CTR9: variants seen among roughly 807,000 people sequenced by gnomAD.
CTR9 encodes CTR9 component of Paf1/RNA polymerase II complex.
Under a neutral mutation model 152.1 loss-of-function variants are expected in CTR9, and 41 were observed. The observed-to-expected ratio is 0.27, with a 90% confidence interval of 0.21 to 0.35. The LOEUF (loss-of-function observed/expected upper bound fraction) is 0.35, where lower values mean the gene tolerates loss of function less well. Ranked by LOEUF, CTR9 falls within the 10% of genes least tolerant of loss-of-function variation. The pLI is 1.00. For synonymous variants in CTR9, 476 were observed against 496.2 expected (o/e 0.96, Z 0.54); for missense variants, 917 against 1,424.4 (o/e 0.64, Z 5.73).
In CTR9 at chr11:10,779,329, A is replaced by G; in HGVS notation, c.*224A>G. 2.1e-6 allele frequency: 1 copy of G among 485,216 alleles called. No homozygotes were observed. Among genetic ancestry groups the G allele is most frequent in the Non-Finnish European group, 3.6e-6 (1 of 274,698 alleles). The allele number at this position is 485,216 out of a possible 1,614,324, so 30.1% of individuals were successfully genotyped here. ...AGACTATTCTTTGTGGTACAATTCC[A>G]CCTATCATATGTGAAAACTGCAGTA... On this transcript the variant is annotated 3_prime_UTR_variant, in exon 25 of 25. Transcript: ENST00000361367.
At chr11:10,776,692 G>C (rs1183492181) in intron 24 of CTR9, among the ~76,000 whole-genome samples, 1 of 152,152 alleles carries the variant, frequency 6.6e-6, no homozygotes. Context: ...CATGTTGTAG[G>C]CTGGGCGCAG....
chr11:10,761,738 A>G (rs1039689630), intron 6 of CTR9, among the ~76,000 whole-genome samples: 39 of 152,310 alleles, frequency 2.6e-4, no homozygotes, highest in Non-Finnish European at 3.8e-4. Flanking sequence ...TAAAAAGGGG[A>G]AAAAAGTGAC....
chr11:10,758,711 C>T (rs1862926347), intron 5 of CTR9, among the ~76,000 whole-genome samples: 1 of 152,060 alleles, frequency 6.6e-6, no homozygotes, highest in Non-Finnish European at 1.5e-5. Flanking sequence ...GCAATTTCTG[C>T]CTTTTTTTTT....
At chr11:10,773,757 T>A (rs1022578802) in intron 21 of CTR9, among the ~76,000 whole-genome samples, 1 of 151,940 alleles carries the variant, frequency 6.6e-6, no homozygotes, top group Non-Finnish European at 1.5e-5. Context: ...TAGTGATGCA[T>A]GCCTGTAGTC....
chr11:10,753,081 C>T (rs774986922), intron 2 of CTR9, among the ~76,000 whole-genome samples: 9 of 152,154 alleles, frequency 5.9e-5, no homozygotes, highest in Admixed American at 5.2e-4. Context: ...TGAAAAGAAG[C>T]GAAGTGCTTC....
At position 10,767,712 on chromosome 11, in the gene CTR9, G is replaced by T; in HGVS notation, c.1687-94G>T. The T allele has an allele frequency of 1.8e-6, 2 of 1,084,626 alleles. No individual in the cohort carries two copies. Among genetic ancestry groups the T allele is most frequent in the African/African-American group, 1.6e-5 (1 of 63,244 alleles). 67.2% of individuals were successfully genotyped at this position (1,084,626 alleles called of 1,614,324 possible). ...GAAAACCACTGTTGTAATATAGTTTGTAAACCTCTTCAGTAATCAGCTATT... is the reference window on the plus strand; with the variant it reads ...GAAAACCACTGTTGTAATATAGTTTTTAAACCTCTTCAGTAATCAGCTATT... On this transcript the variant is annotated intron_variant, in intron 13 of 24. Coordinates refer to ENST00000361367, the MANE Select transcript of CTR9 (RefSeq NM_014633.5). The surrounding 1 kb of genome is among the most constrained non-coding windows in gnomAD (Gnocchi z 4.0).
rs530015738 is a variant in CTR9 at position 10,764,132 on chromosome 11, A to G, written c.1215A>G (p.Thr405=). ...DIAKGHLKKV[T]EQYPDDVEAW... ...CCCAGGGCCATTTGAAGAAGGTCAC[A>G]GAACAGTATCCCGATGATGTTGAAG... The change falls in exon 10 of 25, where the codon ACA becomes ACG. Residue 405 remains threonine, a synonymous_variant. Transcript: ENST00000361367. 5 of 1,614,212 alleles carry G rather than the reference A, an allele frequency of 3.1e-6. No individual in the cohort carries two copies. The highest frequency in any genetic ancestry group is 3.3e-5 in the Admixed American group (2 of 60,034).
chr11:10,769,080 G>T (rs569029337), intron 16 of CTR9, among the ~76,000 whole-genome samples: 26 of 152,188 alleles, frequency 1.7e-4, no homozygotes, highest in East Asian at 1.5e-3. Context: ...AATTAGCTGG[G>T]CATGGTAGCA....
intron 1 of CTR9, among the ~76,000 whole-genome samples, chr11:10,752,097 T>G (rs1452218676): frequency 1.3e-5 from 2 of 152,172 alleles, no homozygotes; most frequent in Non-Finnish European, 2.9e-5. Context: ...TTATTTTTAT[T>G]TTTTTTGTTT....
Position 10,763,873 on chromosome 11 carries a change from T to C in CTR9, c.1188T>C (p.Ile396=), listed in dbSNP as rs1863016272. 1.3e-6 allele frequency: 2 copies of C among 1,599,042 alleles called. No homozygotes were observed. The highest frequency in any genetic ancestry group is 4.5e-5 in the East Asian group (2 of 44,792). The change falls in exon 9 of 25, where the codon ATT becomes ATC. Residue 396 remains isoleucine, a synonymous_variant. Transcript: ENST00000361367. The stretch of plus-strand genomic sequence containing the variant: ...CAGAAGATCAAGAAAAACGAGATAT[T>C]GCCAAGGTACATCTTTTTTTTAAAG... ...AASEDQEKRD[I]AKGHLKKVTE...
chr11:10,773,959 A>G (rs1209746363), intron 21 of CTR9, 53 bp from the exon 22 acceptor site: 1 of 1,337,414 alleles, frequency 7.5e-7, no homozygotes, highest in Admixed American at 2.0e-5. Context: ...TAGCATTCTA[A>G]CCACATTCCA....
At chr11:10,765,405 A>G (rs1052665301) in intron 12 of CTR9, among the ~76,000 whole-genome samples, 2 of 152,110 alleles carry the variant, frequency 1.3e-5, no homozygotes, top group Admixed American at 6.6e-5. Context: ...ACTTTCTTTA[A>G]AAAGAACCTA....
chr11:10,764,797 G>C, intron 12 of CTR9, 66 bp downstream of exon 12: 1 of 1,391,414 alleles, frequency 7.2e-7, no homozygotes, highest in Non-Finnish European at 9.6e-7. Context: ...CAAAAATTTA[G>C]CCTGAAAAAA....
At position 10,776,754 on chromosome 11, in the gene CTR9, C is replaced by G. The variant is rs141881006; in HGVS notation, c.3095+1121C>G. 1.3e-3 allele frequency among the ~76,000 whole-genome samples: 201 copies of G among 152,178 alleles called. No individual in the cohort carries two copies. In the Middle Eastern group the frequency reaches 0.031, roughly 23 times the overall value. On this transcript the variant is annotated intron_variant, in intron 24 of 24. Coordinates refer to ENST00000361367, the MANE Select transcript of CTR9 (RefSeq NM_014633.5). ...TTGAGAGGCCAACGTGGGCGGATCA[C>G]TTGAGGCCAGGAGTTTGAGACCAGC...
chr11:10,751,491 T>C (rs773839790), intron 1 of CTR9, 34 bp downstream of exon 1: 5 of 1,608,334 alleles, frequency 3.1e-6, no homozygotes, highest in Non-Finnish European at 4.2e-6. Flanking sequence ...GTGGGGGCCA[T>C]GAACTTGTAC....
At chr11:10,759,943 C>T (rs1327428949) in intron 5 of CTR9, among the ~76,000 whole-genome samples, 1 of 152,114 alleles carries the variant, frequency 6.6e-6, no homozygotes, top group Non-Finnish European at 1.5e-5. Flanking sequence ...TATAGGTGTT[C>T]TGTTCTATAG....
chr11:10,768,016 C>G (rs1038741598), intron 14 of CTR9, 25 bp downstream of exon 14: 14 of 1,613,192 alleles, frequency 8.7e-6, no homozygotes, highest in East Asian at 2.2e-5. Context: ...TCCTTTTAAA[C>G]AAAACTGATA....
rs2135356157 is a variant in CTR9 at position 10,755,126 on chromosome 11, A to G, written c.313A>G (p.Asn105Asp). The G allele has an allele frequency of 2.5e-6, 4 of 1,614,038 alleles. No individual in the cohort carries two copies. Among genetic ancestry groups the G allele is most frequent in the South Asian group, 2.2e-5 (2 of 91,078 alleles). The change falls in exon 3 of 25, where the codon AAT becomes GAT. Residue 105 changes from asparagine (N) to aspartate (D), a missense_variant. By Grantham distance (23) the Asn-to-Asp change is conservative (BLOSUM62 1). Transcript: ENST00000361367. ...GGCTCGGAAAGAAAAGAATAAGGACAATAAAAAGGATCTTATTACACAGGC... is the reference window on the plus strand; with the variant it reads ...GGCTCGGAAAGAAAAGAATAAGGACGATAAAAAGGATCTTATTACACAGGC... ...QQARKEKNKDNKKDLITQATL... is the reference protein window; with the variant it reads ...QQARKEKNKDDKKDLITQATL...
intron 9 of CTR9, 45 bp from the exon 10 acceptor site, chr11:10,764,067 A>G (rs1196950220): frequency 5.1e-6 from 8 of 1,580,634 alleles, no homozygotes; most frequent in East Asian, 2.2e-5. Flanking sequence ...TATTTTGACA[A>G]CCTATAGATG....
Sources: allele counts gnomAD v4.1 joint callset (sites outside exome capture counted in the v4.1 genomes callset), GRCh38; gene constraint gnomAD v4.1.1; non-coding constraint Gnocchi (gnomAD v3.1); transcripts MANE v1.5; gene names NCBI Gene and HGNC (gene_info 2026-07-23, HGNC 2026-07-21).